Variants in FZD3 observed in about 807,000 individuals in gnomAD.
The protein encoded by FZD3 is frizzled-3.
FZD3 carries 30 observed loss-of-function variants against 60.7 expected under a neutral mutation model. The observed-to-expected ratio is 0.49, with a 90% confidence interval of 0.37 to 0.67. The LOEUF (loss-of-function observed/expected upper bound fraction) is 0.67. Ranked by LOEUF, FZD3 falls within the 30% of genes least tolerant of loss-of-function variation. FZD3 has a pLI of 0.00. For missense variants in FZD3, 605 were observed against 838.7 expected, an observed-to-expected ratio of 0.72 and a Z score of 3.44; for synonymous variants, 246 against 275.2, an observed-to-expected ratio of 0.89 and a Z score of 1.05.
chr8:28,559,768 A>C (rs939184609), intron 7 of FZD3, among the ~76,000 whole-genome samples: 36 of 152,216 alleles, frequency 2.4e-4, no homozygotes, highest in Non-Finnish European at 4.4e-4. Context: ...TGCTTCAGTC[A>C]GTTTTTAACT....
chr8:28,511,564 A>G (rs1804291836), intron 3 of FZD3, among the ~76,000 whole-genome samples: 1 of 152,192 alleles, frequency 6.6e-6, no homozygotes, highest in African/African-American at 2.4e-5. Flanking sequence ...GACTTTCACA[A>G]ATTGGCTTCT....
At chr8:28,519,946 A>T (rs955656717) in intron 3 of FZD3, among the ~76,000 whole-genome samples, 24 of 152,224 alleles carry the variant, frequency 1.6e-4, no homozygotes, top group African/African-American at 5.8e-4. Context: ...GTGGTGGCTC[A>T]CACCTGTAAT....
Position 28,573,905 on chromosome 8 carries a change from A to C in FZD3, c.*10894A>C, listed in dbSNP as rs1175684085. Reference sequence around the variant, plus strand: ...TCTAATGTTGATTTATCATATAAACATCTAATTAGAAAGTGTTTATGCTAA... The same window carrying C: ...TCTAATGTTGATTTATCATATAAACCTCTAATTAGAAAGTGTTTATGCTAA... On this transcript the variant is annotated 3_prime_UTR_variant, in exon 8 of 8. Transcript: ENST00000240093. 4 of 152,200 alleles carry C rather than the reference A, an allele frequency of 2.6e-5. No individual in the cohort carries two copies. The highest frequency in any genetic ancestry group is 5.9e-5 in the Non-Finnish European group (4 of 68,020). The allele number at this position is 152,200 out of a possible 1,614,324, so 9.4% of individuals were successfully genotyped here. A position where few individuals can be genotyped will look rare whatever the true frequency, so the allele number is the denominator to read the frequency against.
rs1266621029 is a variant in FZD3 at position 28,568,613 on chromosome 8, AT to A, written c.*5605del. 1 of 152,138 alleles carries A rather than the reference AT, an allele frequency of 6.6e-6. No homozygotes were observed. Among genetic ancestry groups the A allele is most frequent in the Non-Finnish European group, 1.5e-5 (1 of 67,990 alleles). 9.4% of individuals were successfully genotyped at this position (152,138 alleles called of 1,614,324 possible). A position where few individuals can be genotyped will look rare whatever the true frequency, so the allele number is the denominator to read the frequency against. The stretch of plus-strand genomic sequence containing the variant: ...ATTTCTATTTGGTTGATTTATAAAG[AT>A]TTAATATATAAAGATTTAATATGAG... On this transcript the variant is annotated 3_prime_UTR_variant, in exon 8 of 8. Coordinates refer to ENST00000240093, the MANE Select transcript of FZD3 (RefSeq NM_017412.4).
At chr8:28,518,700 T>A (rs1289040714) in intron 3 of FZD3, among the ~76,000 whole-genome samples, 1 of 152,224 alleles carries the variant, frequency 6.6e-6, no homozygotes, top group Non-Finnish European at 1.5e-5. Context: ...GTTTCTTTCA[T>A]TTCCCATTTT....
chr8:28,494,358 G>A lies in FZD3; in HGVS notation c.-391+15G>A, dbSNP rs1249750052. On this transcript the variant is annotated intron_variant, in intron 1 of 7. Transcript: ENST00000240093. ...CGGGGTCTGAGGTGAGCCCCGCGAAGCGTGTGGGCCCCTGGGCCGGGGCAG... is the reference window on the plus strand; with the variant it reads ...CGGGGTCTGAGGTGAGCCCCGCGAAACGTGTGGGCCCCTGGGCCGGGGCAG... The A allele has an allele frequency of 1.3e-5, 2 of 152,052 alleles. No individual in the cohort carries two copies. Among genetic ancestry groups the A allele is most frequent in the Non-Finnish European group, 2.9e-5 (2 of 68,096 alleles). The allele number at this position is 152,052 out of a possible 1,614,324, so 9.4% of individuals were successfully genotyped here.
chr8:28,551,388 C>T (rs28750241), intron 5 of FZD3, among the ~76,000 whole-genome samples: 1 of 152,084 alleles, frequency 6.6e-6, no homozygotes, highest in Non-Finnish European at 1.5e-5. Flanking sequence ...TTGGCATATA[C>T]CTGTAATCCT....
chr8:28,549,484 T>C (rs1028692761), intron 5 of FZD3, among the ~76,000 whole-genome samples: 10 of 152,154 alleles, frequency 6.6e-5, no homozygotes, highest in African/African-American at 2.4e-4. Flanking sequence ...TCTCTTAGTT[T>C]TTCCAGGTAT....
intron 3 of FZD3, 44 bp downstream of exon 3, chr8:28,503,246 T>G (rs757302555): frequency 1.6e-6 from 2 of 1,251,890 alleles, no homozygotes; most frequent in African/African-American, 1.5e-5. Flanking sequence ...TAAATGACTC[T>G]TGTGTTGTCC....
chr8:28,535,025 C>T (rs1207378218), intron 5 of FZD3, among the ~76,000 whole-genome samples: 4 of 152,150 alleles, frequency 2.6e-5, no homozygotes, highest in Non-Finnish European at 5.9e-5. Context: ...AATAAGGTTG[C>T]TTAACAGTTA....
intron 4 of FZD3, among the ~76,000 whole-genome samples, chr8:28,523,688 T>G (rs947338575): frequency 2.0e-5 from 3 of 151,928 alleles, no homozygotes; most frequent in Admixed American, 2.0e-4. Flanking sequence ...CCTCCTAAAG[T>G]GCTGGGATTA....
In FZD3 at chr8:28,571,538, GAGTT is replaced by G. The variant is rs1167167360; in HGVS notation, c.*8530_*8533del. Reference sequence around the variant, plus strand: ...CAGGTGCTATTTCTACCTTAGCTGTGAGTTAGACTAAATCCAAATTTCGTATCAT... The same window carrying G: ...CAGGTGCTATTTCTACCTTAGCTGTGAGACTAAATCCAAATTTCGTATCAT... On this transcript the variant is annotated 3_prime_UTR_variant, in exon 8 of 8. Transcript: ENST00000240093. 2 of 152,126 alleles carry G rather than the reference GAGTT, an allele frequency of 1.3e-5. No individual in the cohort carries two copies. Among genetic ancestry groups the G allele is most frequent in the African/African-American group, 2.4e-5 (1 of 41,450 alleles). 9.4% of individuals were successfully genotyped at this position (152,126 alleles called of 1,614,324 possible).
In FZD3 at chr8:28,566,883, A is replaced by G. The variant is rs918916325; in HGVS notation, c.*3872A>G. 4 of 152,284 alleles carry G rather than the reference A, an allele frequency of 2.6e-5. No homozygotes were observed. The highest frequency in any genetic ancestry group is 9.6e-5 in the African/African-American group (4 of 41,560). The allele number at this position is 152,284 out of a possible 1,614,324, so 9.4% of individuals were successfully genotyped here. Reference sequence around the variant, plus strand: ...TTTGTTTCTTCAATGTAAAATGTGGATAAGGTAATTTTTGGTTTTAGCCTC... The same window carrying G: ...TTTGTTTCTTCAATGTAAAATGTGGGTAAGGTAATTTTTGGTTTTAGCCTC... On this transcript the variant is annotated 3_prime_UTR_variant, in exon 8 of 8. Transcript: ENST00000240093.
chr8:28,550,316 A>G (rs1413291090), intron 5 of FZD3, among the ~76,000 whole-genome samples: 1 of 150,226 alleles, frequency 6.7e-6, no homozygotes, highest in African/African-American at 2.4e-5. Flanking sequence ...AGATTCTTTA[A>G]TTTTTCTCTA....
intron 7 of FZD3, among the ~76,000 whole-genome samples, chr8:28,561,656 A>C (rs1037616424): frequency 5.9e-5 from 9 of 151,658 alleles, no homozygotes; most frequent in African/African-American, 2.2e-4. Flanking sequence ...CTTAAAACTT[A>C]ATTAAAGTTA....
intron 3 of FZD3, among the ~76,000 whole-genome samples, chr8:28,515,646 G>A (rs1171335981): frequency 2.6e-5 from 4 of 152,136 alleles, no homozygotes; most frequent in African/African-American, 4.8e-5. Flanking sequence ...CTAGAGGAAG[G>A]TCATACACCA....
intron 3 of FZD3, among the ~76,000 whole-genome samples, chr8:28,510,650 C>T (rs1269407317): frequency 1.3e-5 from 2 of 152,172 alleles, no homozygotes; most frequent in Non-Finnish European, 2.9e-5. Context: ...TGCTACTTAT[C>T]AACTGTGGAC....
At chr8:28,495,403 T>C (rs546228887) in intron 1 of FZD3, among the ~76,000 whole-genome samples, 2 of 152,292 alleles carry the variant, frequency 1.3e-5, no homozygotes, top group East Asian at 3.9e-4. Context: ...GGGAAGTGTT[T>C]AGATACAGCC....
intron 5 of FZD3, among the ~76,000 whole-genome samples, chr8:28,531,696 T>G (rs1804879740): frequency 6.6e-6 from 1 of 152,190 alleles, no homozygotes; most frequent in Admixed American, 6.5e-5. Context: ...TACGTAAGGT[T>G]GAATGTGTTT....
Sources: allele counts gnomAD v4.1 joint callset (sites outside exome capture counted in the v4.1 genomes callset), GRCh38; gene constraint gnomAD v4.1.1; transcripts MANE v1.5; gene names NCBI Gene and HGNC (gene_info 2026-07-23, HGNC 2026-07-21).